ZNF407: variants seen among roughly 807,000 people sequenced by gnomAD.
ZNF407 encodes zinc finger protein 407.
A neutral mutation model predicts 131.2 loss-of-function variants in ZNF407; 17 were observed. That is an observed-to-expected ratio of 0.13 (90% CI 0.09 to 0.19). ZNF407 has a LOEUF of 0.19. ZNF407 is among the 10% of genes least tolerant of loss of function. The probability of loss-of-function intolerance (pLI) is 1.00; values close to 1 mark genes in which losing one functional copy is unlikely to be tolerated. For missense variants in ZNF407, 2,681 were observed against 2,830.6 expected (o/e 0.95, Z 1.20); for synonymous variants, 1,156 against 1,062.0 (o/e 1.09, Z -1.72).
chr18:75,023,931 A>C (rs1309218782), intron 8 of ZNF407, among the ~76,000 whole-genome samples: 1 of 152,222 alleles, frequency 6.6e-6, no homozygotes, highest in African/African-American at 2.4e-5. Context: ...TCAATCTGCA[A>C]CAAATATTGA....
At chr18:75,039,746 TAC>T (rs1160139193) in intron 8 of ZNF407, among the ~76,000 whole-genome samples, 1 of 148,100 alleles carries the variant, frequency 6.8e-6, no homozygotes, top group Non-Finnish European at 1.5e-5. Flanking sequence ...TTTAATCCAT[TAC>T]AGAGTCTTTC....
Position 74,634,487 on chromosome 18 carries a change from T to A in ZNF407, c.3468T>A (p.Ser1156=), listed in dbSNP as rs772919186. Residue 1156 remains serine, a synonymous_variant, in exon 2 of 9, where the codon TCT becomes TCA. Coordinates refer to ENST00000299687, the MANE Select transcript of ZNF407 (RefSeq NM_017757.3). The part of the protein sequence containing the change: ...DSVEVETEEE[S]NFNEDHSFCE... ...TAGAAGTTGAGACTGAAGAAGAATCTAATTTCAATGAAGACCATTCCTTTT... is the reference window on the plus strand; with the variant it reads ...TAGAAGTTGAGACTGAAGAAGAATCAAATTTCAATGAAGACCATTCCTTTT... The A allele has an allele frequency of 2.5e-6, 4 of 1,613,844 alleles. No individual in the cohort carries two copies. The highest frequency in any genetic ancestry group is 3.4e-6 in the Non-Finnish European group (4 of 1,179,904).
chr18:74,755,769 C>CTTTCTTTCTTTCTTTCTTTCT (rs1555684098), intron 3 of ZNF407, among the ~76,000 whole-genome samples: 1 of 119,148 alleles, frequency 8.4e-6, no homozygotes, highest in Non-Finnish European at 1.6e-5. Context: ...TTCTTTCTTT[C>CTTTCTTTCTTTCTTTCTTTCT]TTTCTCTCTC....
chr18:74,781,416 T>C lies in ZNF407; in HGVS notation c.4803-12T>C, dbSNP rs1210687145. The C allele has an allele frequency of 2.0e-6, 3 of 1,529,524 alleles. No homozygotes were observed. Among genetic ancestry groups the C allele is most frequent in the Non-Finnish European group, 1.8e-6 (2 of 1,135,304 alleles). The allele number at this position is 1,529,524 out of a possible 1,614,324, so 94.7% of individuals were successfully genotyped here. A position where few individuals can be genotyped will look rare whatever the true frequency, so the allele number is the denominator to read the frequency against. On this transcript the variant is annotated splice_polypyrimidine_tract_variant and intron_variant, in intron 3 of 8. Coordinates refer to ENST00000299687, the MANE Select transcript of ZNF407 (RefSeq NM_017757.3). ...AGTTTTAGTTTTATAATTACTTTTGTTTATTTTTTAGGGTTGCTTTTGTAA... is the reference window on the plus strand; with the variant it reads ...AGTTTTAGTTTTATAATTACTTTTGCTTATTTTTTAGGGTTGCTTTTGTAA...
At chr18:74,680,572 A>G (rs1176242113) in intron 3 of ZNF407, among the ~76,000 whole-genome samples, 2 of 152,286 alleles carry the variant, frequency 1.3e-5, no homozygotes, top group East Asian at 1.9e-4. Context: ...TTGACCATCA[A>G]ATACAACTCC....
intron 1 of ZNF407, among the ~76,000 whole-genome samples, chr18:74,615,681 A>G (rs1161637748): frequency 2.6e-5 from 4 of 152,108 alleles, no homozygotes; most frequent in East Asian, 1.9e-4. Flanking sequence ...CACATATAAC[A>G]TTTCTGTTTT....
chr18:74,942,109 T>C (rs1178510335), intron 8 of ZNF407, among the ~76,000 whole-genome samples: 3 of 152,176 alleles, frequency 2.0e-5, no homozygotes, highest in African/African-American at 7.2e-5. Flanking sequence ...TTGCAAACCA[T>C]TTAGTGCCAT....
intron 3 of ZNF407, among the ~76,000 whole-genome samples, chr18:74,777,192 A>T (rs1969489783): frequency 6.6e-6 from 1 of 152,156 alleles, no homozygotes. Flanking sequence ...AGTGTACAAG[A>T]ATTTATTTTG....
Position 74,773,528 on chromosome 18 carries a change from G to A in ZNF407, c.4803-7900G>A, listed in dbSNP as rs8083685. Reference sequence around the variant, plus strand: ...TCAAAAGTGGTTTGGAACTATCAGTGGAAGCCAAGTTACTAGAGAGCTTAA... The same window carrying A: ...TCAAAAGTGGTTTGGAACTATCAGTAGAAGCCAAGTTACTAGAGAGCTTAA... On this transcript the variant is annotated intron_variant, in intron 3 of 8. Transcript: ENST00000299687. 1.0e-3 allele frequency among the ~76,000 whole-genome samples: 116 copies of A among 114,918 alleles called. 7 individuals carry two copies. The highest frequency in any genetic ancestry group is 4.2e-3 in the African/African-American group (78 of 18,404). The allele number at this position is 114,918 out of a possible 152,430, so 75.4% of individuals were successfully genotyped here. A position where few individuals can be genotyped will look rare whatever the true frequency, so the allele number is the denominator to read the frequency against.
chr18:74,620,734 C>G (rs924213106), intron 1 of ZNF407, among the ~76,000 whole-genome samples: 1 of 152,150 alleles, frequency 6.6e-6, no homozygotes, highest in South Asian at 2.1e-4. Flanking sequence ...GGGACTTGCT[C>G]AGGTCCACAT....
chr18:74,672,003 A>G (rs879518914), intron 3 of ZNF407, among the ~76,000 whole-genome samples: 2 of 152,138 alleles, frequency 1.3e-5, no homozygotes, highest in Non-Finnish European at 2.9e-5. Context: ...GTTATTGTGA[A>G]TGGTGCTGCA....
At chr18:74,605,308 A>G (rs1982758330) in intron 1 of ZNF407, among the ~76,000 whole-genome samples, 1 of 152,198 alleles carries the variant, frequency 6.6e-6, no homozygotes, top group East Asian at 1.9e-4. Flanking sequence ...TGCAGCTCCT[A>G]GCTGTGTGAC....
At chr18:74,816,250 T>C (rs1485334644) in intron 4 of ZNF407, among the ~76,000 whole-genome samples, 2 of 152,128 alleles carry the variant, frequency 1.3e-5, no homozygotes, top group African/African-American at 4.8e-5. Context: ...TATTTCACCT[T>C]CTGATTCAAC....
At chr18:74,774,005 A>G (rs138838232) in intron 3 of ZNF407, among the ~76,000 whole-genome samples, 134 of 152,356 alleles carry the variant, frequency 8.8e-4, no homozygotes, top group Non-Finnish European at 1.4e-3. Context: ...GTACTAGAAA[A>G]TAAGGAAGAA....
In ZNF407 at chr18:75,051,798, G is replaced by A. The variant is rs184993941; in HGVS notation, c.5429-11352G>A. 6.8e-4 allele frequency among the ~76,000 whole-genome samples: 104 copies of A among 152,274 alleles called. 1 individual carries two copies. The highest frequency in any genetic ancestry group is 2.4e-3 in the African/African-American group (98 of 41,546). ...CTGGGGGTCGGTCATCAGGTAAGGA[G>A]CTATGTGAGACATGTCCGAGGGGCT... On this transcript the variant is annotated intron_variant, in intron 8 of 8. Transcript: ENST00000299687.
At chr18:74,714,225 G>A (rs996771409) in intron 3 of ZNF407, among the ~76,000 whole-genome samples, 1 of 152,162 alleles carries the variant, frequency 6.6e-6, no homozygotes, top group Non-Finnish European at 1.5e-5. Flanking sequence ...AAATGTAATT[G>A]CAAAAATTAA....
chr18:74,816,384 G>A (rs1164032389), intron 4 of ZNF407, among the ~76,000 whole-genome samples: 3 of 152,126 alleles, frequency 2.0e-5, no homozygotes, highest in Admixed American at 6.6e-5. Context: ...GTCAGTTAGC[G>A]TCCTCTGTCA....
intron 3 of ZNF407, among the ~76,000 whole-genome samples, chr18:74,742,135 C>T (rs1968564359): frequency 1.3e-5 from 2 of 152,248 alleles, no homozygotes; most frequent in South Asian, 4.1e-4. Context: ...CCCTCCTACT[C>T]TCTATAGTTT....
intron 7 of ZNF407, among the ~76,000 whole-genome samples, chr18:74,918,394 G>A (rs1052148769): frequency 6.6e-6 from 1 of 152,208 alleles, no homozygotes; most frequent in Non-Finnish European, 1.5e-5. Flanking sequence ...TGTGAATTGT[G>A]TAGCAGTCTT....
Sources: allele counts gnomAD v4.1 joint callset (sites outside exome capture counted in the v4.1 genomes callset), GRCh38; gene constraint gnomAD v4.1.1; transcripts MANE v1.5; gene names NCBI Gene and HGNC (gene_info 2026-07-23, HGNC 2026-07-21).